The following ERC1 variants were observed in gnomAD, a reference collection of about 807,000 sequenced individuals.
ERC1 encodes the protein RAB6 interacting protein 2.
Under a neutral mutation model 132.0 loss-of-function variants are expected in ERC1, and 56 were observed. That is an observed-to-expected ratio of 0.42 (90% CI 0.34 to 0.53). The LOEUF (loss-of-function observed/expected upper bound fraction) is 0.53. Ranked by LOEUF, ERC1 falls within the 20% of genes least tolerant of loss-of-function variation. ERC1 has a pLI of 0.03. For synonymous variants in ERC1, 478 were observed against 476.1 expected (o/e 1.00, Z -0.05); for missense variants, 1,202 against 1,349.9 (o/e 0.89, Z 1.72).
intron 18 of ERC1, among the ~76,000 whole-genome samples, chr12:1,449,034 A>G (rs987385283): frequency 2.0e-5 from 3 of 152,246 alleles, no homozygotes; most frequent in African/African-American, 7.2e-5. Context: ...AAAGGAGATC[A>G]TTCTGGAACT....
intron 3 of ERC1, among the ~76,000 whole-genome samples, chr12:1,093,038 A>G (rs1264278087): frequency 6.6e-6 from 1 of 152,240 alleles, no homozygotes; most frequent in Non-Finnish European, 1.5e-5. Flanking sequence ...ATTTCTTTTC[A>G]GCATGTACAA....
At chr12:1,016,825 A>G (rs951525020) in intron 1 of ERC1, among the ~76,000 whole-genome samples, 3 of 150,530 alleles carry the variant, frequency 2.0e-5, no homozygotes, top group Admixed American at 6.6e-5. Flanking sequence ...TAAGTTTTGT[A>G]TTATTAGTAG....
intron 2 of ERC1, among the ~76,000 whole-genome samples, chr12:1,029,182 ACT>A (rs1175690506): frequency 6.6e-6 from 1 of 151,738 alleles, no homozygotes; most frequent in Admixed American, 6.6e-5. Flanking sequence ...TGAAACCCTG[ACT>A]CTACTAAAAA....
At chr12:1,007,895 A>G (rs931001097) in intron 1 of ERC1, among the ~76,000 whole-genome samples, 2 of 152,160 alleles carry the variant, frequency 1.3e-5, no homozygotes, top group Non-Finnish European at 2.9e-5. Context: ...TGTGTTTAAC[A>G]GCAGTATGGG....
intron 18 of ERC1, among the ~76,000 whole-genome samples, chr12:1,464,511 CTTTTTTTTTTT>C (rs34542821): frequency 3.0e-5 from 2 of 67,400 alleles, no homozygotes; most frequent in Non-Finnish European, 5.4e-5. Context: ...ATGCAAAAGC[CTTTTTTTTTTT>C]TTTTTTTTTT....
At chr12:1,170,754 C>G (rs530101041) in intron 8 of ERC1, among the ~76,000 whole-genome samples, 7 of 152,286 alleles carry the variant, frequency 4.6e-5, no homozygotes, top group Non-Finnish European at 1.0e-4. Context: ...GCCCCTAGTT[C>G]CATGATCTGT....
At chr12:1,114,201 T>C (rs1342288590) in intron 6 of ERC1, among the ~76,000 whole-genome samples, 1 of 152,030 alleles carries the variant, frequency 6.6e-6, no homozygotes, top group Non-Finnish European at 1.5e-5. Flanking sequence ...TTTTTGTATT[T>C]TTAGTAGAGA....
chr12:1,474,092 A>C (rs1270878545), intron 18 of ERC1, among the ~76,000 whole-genome samples: 1 of 152,204 alleles, frequency 6.6e-6, no homozygotes, highest in African/African-American at 2.4e-5. Context: ...TGCAGATTCA[A>C]GTTAGGGGCT....
chr12:1,174,068 A>T (rs1233714894), intron 8 of ERC1, among the ~76,000 whole-genome samples: 1 of 152,104 alleles, frequency 6.6e-6, no homozygotes, highest in Non-Finnish European at 1.5e-5. Context: ...GCTGTTATCC[A>T]TTGTGATGCT....
At chr12:1,324,617 C>T (rs73036624) in intron 15 of ERC1, among the ~76,000 whole-genome samples, 5,266 of 152,298 alleles carry the variant, frequency 0.035, 95 homozygotes, top group Middle Eastern at 0.075. Flanking sequence ...ACTCTTCCTT[C>T]TTTCCATTAA....
rs184262394 is a variant in ERC1, at chr12:1,242,923, C to T, written c.2487+6019C>T. Among the ~76,000 whole-genome samples the T allele has an allele frequency of 2.0e-5, 3 of 152,040 alleles. No homozygotes were observed. In the East Asian group the frequency reaches 5.8e-4, roughly 29 times the overall value. ...GAAATCGAGGCCGGGCGCGGTGGCT[C>T]ACGCCTGTAATCCCAGCACTTTGGG... On this transcript the variant is annotated intron_variant, in intron 13 of 18. Transcript: ENST00000360905.
chr12:1,122,247 ATC>A (rs1465209539), intron 7 of ERC1, among the ~76,000 whole-genome samples: 1 of 5,788 alleles, frequency 1.7e-4, no homozygotes, highest in Non-Finnish European at 4.1e-4. Flanking sequence ...CTGTGTCTCT[ATC>A]TCTATCTCTA....
intron 7 of ERC1, among the ~76,000 whole-genome samples, chr12:1,118,962 G>T (rs1044148488): frequency 6.6e-6 from 1 of 152,136 alleles, no homozygotes; most frequent in African/African-American, 2.4e-5. Context: ...TTGCAGCCTG[G>T]AACTCCTGGG....
At chr12:1,002,712 C>T (rs546643693) in intron 1 of ERC1, among the ~76,000 whole-genome samples, 35 of 152,136 alleles carry the variant, frequency 2.3e-4, no homozygotes, top group East Asian at 1.4e-3. Flanking sequence ...TAACTTTAGC[C>T]GTTCTGGTGG....
chr12:1,290,379 T>C (rs1295470524), intron 15 of ERC1, among the ~76,000 whole-genome samples: 1 of 152,210 alleles, frequency 6.6e-6, no homozygotes, highest in Non-Finnish European at 1.5e-5. Flanking sequence ...CATTTTTTAT[T>C]GTAAACATTT....
rs11429705 is a variant in ERC1 at position 1,068,965 on chromosome 12, G to GT, written c.670-14196dup. ...GTTATTTCTTTTTTGGCGAATGGTT[G>GT]TTTGTTTAAATGGAGAAACATAAGG... On this transcript the variant is annotated intron_variant, in intron 2 of 18. Coordinates refer to ENST00000360905, the MANE Select transcript of ERC1 (RefSeq NM_178040.4). Among the ~76,000 whole-genome samples, 1,080 of 147,476 alleles carry GT rather than the reference G, an allele frequency of 7.3e-3. 11 individuals carry two copies. Among genetic ancestry groups the GT allele is most frequent in the African/African-American group, 0.028 (1,036 of 36,986 alleles).
At chr12:1,376,521 CAG>C (rs1449876423) in intron 16 of ERC1, among the ~76,000 whole-genome samples, 1 of 152,200 alleles carries the variant, frequency 6.6e-6, no homozygotes, top group African/African-American at 2.4e-5. Context: ...GCGCAGGGCA[CAG>C]GGGCTTTACA....
At chr12:1,110,114 C>T in intron 4 of ERC1, 78 bp from the exon 5 acceptor site, 2 of 1,215,954 alleles carry the variant, frequency 1.6e-6, no homozygotes, top group Non-Finnish European at 2.3e-6. Context: ...TTAAATGTAA[C>T]TTCTTTAAAT....
At chr12:1,417,557 A>G (rs1451663298) in intron 17 of ERC1, among the ~76,000 whole-genome samples, 1 of 152,064 alleles carries the variant, frequency 6.6e-6, no homozygotes, top group Non-Finnish European at 1.5e-5. Context: ...AGGCGGGCAG[A>G]TCACCCTAAG....
Sources: gnomAD v4.1 joint callset for allele counts (sites outside exome capture counted in the v4.1 genomes callset) on GRCh38, gnomAD v4.1.1 for gene constraint, MANE v1.5 for transcripts, NCBI Gene and HGNC (gene_info 2026-07-23, HGNC 2026-07-21) for gene names.